The following GATD3 variants were observed in gnomAD, a reference collection of about 807,000 sequenced individuals.
GATD3 encodes glutamine amidotransferase class 1 domain containing 3, also known as glutamine amidotransferase-like class 1 domain-containing protein 3, mitochondrial.
the GATD3 span, among the ~76,000 whole-genome samples, chr21:44,142,669 T>A: frequency 1.1e-4 from 8 of 75,264 alleles, 4 homozygotes; most frequent in Admixed American, 2.8e-4. Flanking sequence ...GGGGCGTGCG[T>A]CCACCAGCCT....
At chr21:44,144,192 G>A in the GATD3 span, among the ~76,000 whole-genome samples, 1 of 57,358 alleles carries the variant, frequency 1.7e-5, no homozygotes, top group African/African-American at 4.5e-5. Flanking sequence ...CCCTCCCTGC[G>A]GCTTTCCTGC....
chr21:44,139,474 TCTC>T, the GATD3 span, among the ~76,000 whole-genome samples: 1 of 61,058 alleles, frequency 1.6e-5, no homozygotes, highest in Non-Finnish European at 5.4e-5. Flanking sequence ...ACACCGTGTT[TCTC>T]CTCCTCCCAC....
chr21:44,134,715 GAC>G, the GATD3 span, among the ~76,000 whole-genome samples: 3 of 67,146 alleles, frequency 4.5e-5, no homozygotes, highest in African/African-American at 9.6e-5. Context: ...TGTTTTTCAG[GAC>G]ACACACATTT....
the GATD3 span, among the ~76,000 whole-genome samples, chr21:44,142,707 C>T: frequency 1.3e-5 from 1 of 76,186 alleles, no homozygotes; most frequent in African/African-American, 2.9e-5. Context: ...TGCTGCAGGT[C>T]GGAGGCTGGC....
At chr21:44,141,921 G>A in the GATD3 span, among the ~76,000 whole-genome samples, 1 of 42,146 alleles carries the variant, frequency 2.4e-5, no homozygotes, top group African/African-American at 6.4e-5. Flanking sequence ...CGCAGAGGGC[G>A]GCAGGGGGGT....
At chr21:44,142,209 C>T in the GATD3 span, among the ~76,000 whole-genome samples, 6 of 20,272 alleles carry the variant, frequency 3.0e-4, 1 homozygote, top group Non-Finnish European at 6.4e-4. Context: ...CTGCCTGCCT[C>T]AGCTGCCCAA....
chr21:44,144,436 GT>G, the GATD3 span, among the ~76,000 whole-genome samples: 2 of 53,328 alleles, frequency 3.8e-5, 1 homozygote, highest in Non-Finnish European at 1.1e-4. Flanking sequence ...AAAAGCGGAG[GT>G]GCTGCCACTG....
the GATD3 span, among the ~76,000 whole-genome samples, chr21:44,142,735 G>A: frequency 2.6e-5 from 2 of 75,826 alleles, 1 homozygote; most frequent in Non-Finnish European, 8.8e-5. Context: ...CTCCTGGCCC[G>A]TTGTGCCTCC....
the GATD3 span, among the ~76,000 whole-genome samples, chr21:44,137,891 T>C: frequency 9.3e-4 from 32 of 34,532 alleles, 4 homozygotes; most frequent in African/African-American, 1.9e-3. Context: ...TGGCCATGTA[T>C]GTAGCCCAAA....
chr21:44,142,752 AG>A, the GATD3 span, among the ~76,000 whole-genome samples: 4 of 74,390 alleles, frequency 5.4e-5, 2 homozygotes, highest in Non-Finnish European at 1.8e-4. Context: ...CTCCTGTAGA[AG>A]GGGGGCTGGT....
At chr21:44,144,187 C>G in the GATD3 span, among the ~76,000 whole-genome samples, 2 of 57,128 alleles carry the variant, frequency 3.5e-5, 1 homozygote, top group African/African-American at 9.1e-5. Context: ...CATCTCCCTC[C>G]CTGCGGCTTT....
the GATD3 span, among the ~76,000 whole-genome samples, chr21:44,142,669 T>C: frequency 0.017 from 1,280 of 75,384 alleles, 310 homozygotes; most frequent in Middle Eastern, 0.034. Flanking sequence ...GGGGCGTGCG[T>C]CCACCAGCCT....
the GATD3 span, among the ~76,000 whole-genome samples, chr21:44,143,588 G>A: frequency 7.3e-5 from 5 of 68,556 alleles, no homozygotes; most frequent in African/African-American, 1.6e-4. Context: ...TCACAGACAC[G>A]TCAGAAGCGC....
At chr21:44,139,791 G>A in the GATD3 span, among the ~76,000 whole-genome samples, 1 of 141,754 alleles carries the variant, frequency 7.1e-6, no homozygotes, top group African/African-American at 2.5e-5. Flanking sequence ...ACCCTCTCAG[G>A]AGAGGGTCCT....
At chr21:44,144,720 CAA>C in the GATD3 span, 2 of 172,458 alleles carry the variant, frequency 1.2e-5, 1 homozygote, top group African/African-American at 5.8e-5. Flanking sequence ...TATCTGAGAA[CAA>C]AGTTAGGACA....
the GATD3 span, chr21:44,144,820 C>T: frequency 3.4e-5 from 2 of 58,722 alleles, no homozygotes; most frequent in Admixed American, 7.5e-4. Context: ...ACTCTGCACA[C>T]GAAGCTCACG....
the GATD3 span, among the ~76,000 whole-genome samples, chr21:44,142,014 C>T: frequency 0.02 from 941 of 47,820 alleles, 363 homozygotes; most frequent in Middle Eastern, 0.087. Context: ...CTCTGTTGCC[C>T]AGGCTGGAGT....
At chr21:44,138,345 G>GTGGGTGGCAGCCCCAGCA in the GATD3 span, among the ~76,000 whole-genome samples, 13 of 50,016 alleles carry the variant, frequency 2.6e-4, 4 homozygotes, top group African/African-American at 5.3e-4. Flanking sequence ...GTGCCATGGT[G>GTGGGTGGCAGCCCCAGCA]TGGGTGGCAG....
chr21:44,141,953 A>G, the GATD3 span, among the ~76,000 whole-genome samples: 1 of 49,598 alleles, frequency 2.0e-5, no homozygotes, highest in African/African-American at 5.4e-5. Flanking sequence ...GGCAGCCAGA[A>G]GTTGCTTCAG....
Sources: gnomAD v4.1 joint callset for allele counts (sites outside exome capture counted in the v4.1 genomes callset) on GRCh38, gnomAD v4.1.1 for gene constraint, MANE v1.5 for transcripts, NCBI Gene and HGNC (gene_info 2026-07-23, HGNC 2026-07-21) for gene names.